ANKS1B: variants seen among roughly 807,000 people sequenced by gnomAD.
The protein encoded by ANKS1B is ankyrin repeat and sterile alpha motif domain-containing protein 1B.
Under a neutral mutation model 148.3 loss-of-function variants are expected in ANKS1B, and 36 were observed. The ratio of observed to expected loss-of-function variants is 0.24; its 90% confidence interval spans 0.19 to 0.32. The LOEUF is 0.32. Ranked by LOEUF, ANKS1B falls within the 10% of genes least tolerant of loss-of-function variation. The pLI, the probability that ANKS1B is intolerant of heterozygous loss-of-function variation, is 1.00. For synonymous variants in ANKS1B, 542 were observed against 560.8 expected (o/e 0.97, Z 0.47); for missense variants, 1,157 against 1,542.6 (o/e 0.75, Z 4.19).
chr12:99,152,898 C>T (rs2075310329), intron 15 of ANKS1B, among the ~76,000 whole-genome samples: 1 of 152,090 alleles, frequency 6.6e-6, no homozygotes, highest in African/African-American at 2.4e-5. Context: ...TAAATCTGCC[C>T]AGTGTTCTAA....
At chr12:99,879,492 C>T (rs1359815037) in intron 1 of ANKS1B, among the ~76,000 whole-genome samples, 2 of 152,106 alleles carry the variant, frequency 1.3e-5, no homozygotes, top group African/African-American at 4.8e-5. Context: ...TGTTTGTATG[C>T]CACCCACATC....
chr12:99,713,769 G>C (rs781158576), intron 8 of ANKS1B, among the ~76,000 whole-genome samples: 1 of 151,998 alleles, frequency 6.6e-6, no homozygotes, highest in Non-Finnish European at 1.5e-5. Flanking sequence ...AGAGTCCTTA[G>C]TATCTATATT....
chr12:99,000,315 G>T (rs1462605227), intron 17 of ANKS1B, among the ~76,000 whole-genome samples: 1 of 142,818 alleles, frequency 7.0e-6, no homozygotes, highest in Non-Finnish European at 1.5e-5. Context: ...TGTCATCCAG[G>T]CTGGAGTGCA....
At chr12:99,468,064 C>T (rs576956293) in intron 10 of ANKS1B, among the ~76,000 whole-genome samples, 1 of 152,162 alleles carries the variant, frequency 6.6e-6, no homozygotes, top group Non-Finnish European at 1.5e-5. Flanking sequence ...GTAACCAAAA[C>T]AGCATGGTAC....
intron 9 of ANKS1B, among the ~76,000 whole-genome samples, chr12:99,617,737 A>G (rs573762126): frequency 6.6e-6 from 1 of 152,148 alleles, no homozygotes; most frequent in African/African-American, 2.4e-5. Context: ...GCAAACCACC[A>G]TGGCACATGT....
intron 17 of ANKS1B, among the ~76,000 whole-genome samples, chr12:98,907,039 G>A (rs1037931606): frequency 1.3e-4 from 19 of 150,694 alleles, no homozygotes; most frequent in Non-Finnish European, 2.1e-4. Context: ...GTGTGTGTGT[G>A]TGTGTGTGTA....
intron 1 of ANKS1B, among the ~76,000 whole-genome samples, chr12:99,872,463 G>A (rs994987943): frequency 1.3e-5 from 2 of 152,004 alleles, no homozygotes; most frequent in Non-Finnish European, 2.9e-5. Context: ...AATCACCAAT[G>A]TGAAACAAAT....
At chr12:99,319,379 G>A (rs1436007713) in intron 12 of ANKS1B, among the ~76,000 whole-genome samples, 2 of 152,174 alleles carry the variant, frequency 1.3e-5, no homozygotes, top group African/African-American at 4.8e-5. Flanking sequence ...ATATATTTAG[G>A]ATAGTTAGCT....
chr12:99,946,932 A>G (rs1008753464), intron 1 of ANKS1B, among the ~76,000 whole-genome samples: 2 of 152,098 alleles, frequency 1.3e-5, no homozygotes, highest in Non-Finnish European at 1.5e-5. Flanking sequence ...ATAAATGACA[A>G]ATGATTATGT....
intron 12 of ANKS1B, among the ~76,000 whole-genome samples, chr12:99,329,560 T>C (rs529565548): frequency 9.9e-4 from 151 of 152,004 alleles, no homozygotes; most frequent in African/African-American, 3.6e-3. Flanking sequence ...ATTTGTACAG[T>C]ATATGTAGTA....
At chr12:99,455,203 C>T (rs1439688523) in intron 10 of ANKS1B, among the ~76,000 whole-genome samples, 2 of 152,136 alleles carry the variant, frequency 1.3e-5, no homozygotes, top group African/African-American at 4.8e-5. Context: ...CTGACCAAGA[C>T]ACACCCTAGC....
At chr12:99,805,578 G>A (rs11110053) in intron 4 of ANKS1B, among the ~76,000 whole-genome samples, 1 of 152,048 alleles carries the variant, frequency 6.6e-6, no homozygotes, top group South Asian at 2.1e-4. Flanking sequence ...AGTGAGCTGA[G>A]ATCACGCCAC....
chr12:99,822,452 C>G (rs1017170578), intron 2 of ANKS1B, among the ~76,000 whole-genome samples: 7 of 152,134 alleles, frequency 4.6e-5, no homozygotes, highest in Admixed American at 2.0e-4. Flanking sequence ...CTCCCTACCC[C>G]CTCTAGTGGT....
intron 8 of ANKS1B, among the ~76,000 whole-genome samples, chr12:99,668,650 T>A (rs1210825288): frequency 6.6e-6 from 1 of 152,102 alleles, no homozygotes; most frequent in Non-Finnish European, 1.5e-5. Flanking sequence ...TGTCATGCTT[T>A]GCATTTGTTG....
At chr12:99,894,318 A>AGGGG (rs1565945162) in intron 1 of ANKS1B, among the ~76,000 whole-genome samples, 1 of 44,768 alleles carries the variant, frequency 2.2e-5, no homozygotes, top group Non-Finnish European at 4.2e-5. Context: ...GGAGGGAGGG[A>AGGGG]GGGAGGGAGG....
chr12:99,238,373 A>T (rs1257226706), intron 14 of ANKS1B, among the ~76,000 whole-genome samples: 1 of 152,106 alleles, frequency 6.6e-6, no homozygotes, highest in Non-Finnish European at 1.5e-5. Context: ...TTGAGGCTTG[A>T]GTAGCTCACA....
At chr12:99,168,721 T>C (rs941717493) in intron 14 of ANKS1B, among the ~76,000 whole-genome samples, 1 of 152,062 alleles carries the variant, frequency 6.6e-6, no homozygotes, top group African/African-American at 2.4e-5. Context: ...AACAGTAAAT[T>C]TGAGGACCAA....
chr12:98,936,194 C>T (rs763611995), intron 17 of ANKS1B, among the ~76,000 whole-genome samples: 23 of 152,064 alleles, frequency 1.5e-4, no homozygotes, highest in Non-Finnish European at 3.1e-4. Flanking sequence ...ATTATCTAAC[C>T]CCACTTCACT....
chr12:99,539,227 A>G (rs1384446089), intron 9 of ANKS1B, among the ~76,000 whole-genome samples: 4 of 152,124 alleles, frequency 2.6e-5, no homozygotes, highest in Admixed American at 2.6e-4. Context: ...GTATAAATGT[A>G]CTTTTATTTA....
Sources: gnomAD v4.1 joint callset for allele counts (sites outside exome capture counted in the v4.1 genomes callset) on GRCh38, gnomAD v4.1.1 for gene constraint, MANE v1.5 for transcripts, NCBI Gene and HGNC (gene_info 2026-07-23, HGNC 2026-07-21) for gene names.